The following CNBD1 variants were observed in gnomAD, a reference collection of about 807,000 sequenced individuals.
CNBD1 encodes the protein cyclic nucleotide-binding domain-containing protein 1.
Under a neutral mutation model 54.4 loss-of-function variants are expected in CNBD1, and 71 were observed. The ratio of observed to expected loss-of-function variants is 1.30; its 90% CI spans 1.08 to 1.59. CNBD1 has a LOEUF of 1.59. Ranked by LOEUF, CNBD1 falls within the 40% of genes most tolerant of loss-of-function variation. The probability of loss-of-function intolerance (pLI) is 0.00; values close to 1 mark genes in which losing one functional copy is unlikely to be tolerated. For missense variants in CNBD1, 659 were observed against 518.0 expected (o/e 1.27, Z -2.64); for synonymous variants, 182 against 170.7 (o/e 1.07, Z -0.51).
chr8:86,985,351 A>G (rs1448116365), intron 4 of CNBD1, among the ~76,000 whole-genome samples: 1 of 152,154 alleles, frequency 6.6e-6, no homozygotes, highest in Non-Finnish European at 1.5e-5. Flanking sequence ...GGTAGTGAGC[A>G]TATTACCCAC....
chr8:86,979,132 CAA>C (rs1434293216), intron 4 of CNBD1, among the ~76,000 whole-genome samples: 1 of 151,818 alleles, frequency 6.6e-6, no homozygotes, highest in African/African-American at 2.4e-5. Flanking sequence ...TCAAAATTTT[CAA>C]AAAGTTTATA....
At chr8:86,951,388 A>G (rs2130448022) in intron 4 of CNBD1, among the ~76,000 whole-genome samples, 1 of 151,790 alleles carries the variant, frequency 6.6e-6, no homozygotes, top group Admixed American at 6.6e-5. Flanking sequence ...TAGGAGCTTA[A>G]GACCAGCCTG....
chr8:87,246,696 A>G (rs902189999), intron 6 of CNBD1, among the ~76,000 whole-genome samples: 2 of 151,976 alleles, frequency 1.3e-5, no homozygotes, highest in African/African-American at 2.4e-5. Flanking sequence ...TTGCACCTCA[A>G]TTGTTAGCAC....
downstream of CNBD1, among the ~76,000 whole-genome samples, chr8:87,385,293 A>G (rs1811160138): frequency 6.6e-6 from 1 of 152,126 alleles, no homozygotes; most frequent in Non-Finnish European, 1.5e-5. Flanking sequence ...GGTGCAGCGC[A>G]CCGAGTGTGA....
At chr8:87,359,243 C>G (rs1377090875) in intron 10 of CNBD1, among the ~76,000 whole-genome samples, 1 of 146,594 alleles carries the variant, frequency 6.8e-6, no homozygotes, top group Non-Finnish European at 1.5e-5. Context: ...ATTCCATAGT[C>G]TGTTTTATTC....
intron 4 of CNBD1, among the ~76,000 whole-genome samples, chr8:87,159,083 C>G (rs1232023502): frequency 6.6e-6 from 1 of 152,072 alleles, no homozygotes; most frequent in East Asian, 1.9e-4. Flanking sequence ...ATTTAGTTTT[C>G]TTAGTAAAAT....
At chr8:86,944,037 C>G (rs76863427) in intron 4 of CNBD1, among the ~76,000 whole-genome samples, 3,660 of 152,104 alleles carry the variant, frequency 0.024, 144 homozygotes, top group African/African-American at 0.085. Context: ...TTATACCCAC[C>G]CTTGAATAAA....
At chr8:87,333,237 T>G (rs1338002919) in intron 8 of CNBD1, among the ~76,000 whole-genome samples, 1 of 152,246 alleles carries the variant, frequency 6.6e-6, no homozygotes, top group Non-Finnish European at 1.5e-5. Flanking sequence ...CCTGAGACTT[T>G]GCTGAAGTTG....
chr8:87,427,620 T>C (rs1044276255), intron 2 of CNBD1, among the ~76,000 whole-genome samples: 7 of 152,216 alleles, frequency 4.6e-5, no homozygotes, highest in African/African-American at 1.7e-4. Context: ...TTGAATTACT[T>C]GTTAATATTT....
intron 4 of CNBD1, among the ~76,000 whole-genome samples, chr8:87,031,939 TCATGTTGGC>T (rs1297503040): frequency 2.0e-5 from 3 of 151,972 alleles, no homozygotes; most frequent in Non-Finnish European, 2.9e-5. Context: ...CAGGGTTTCA[TCATGTTGGC>T]CAGGCTGGTC....
intron 2 of CNBD1, among the ~76,000 whole-genome samples, chr8:86,903,043 C>A (rs545858848): frequency 6.6e-6 from 1 of 152,048 alleles, no homozygotes; most frequent in African/African-American, 2.4e-5. Flanking sequence ...TAAATTATAG[C>A]ATTACAGGCC....
chr8:87,334,788 A>G (rs1461999490), intron 8 of CNBD1, among the ~76,000 whole-genome samples: 1 of 149,694 alleles, frequency 6.7e-6, no homozygotes, highest in Non-Finnish European at 1.5e-5. Context: ...CAGTGGCGCA[A>G]TCTCAGCTCA....
intron 6 of CNBD1, among the ~76,000 whole-genome samples, chr8:87,268,501 G>A (rs895571171): frequency 1.3e-5 from 2 of 151,942 alleles, no homozygotes; most frequent in African/African-American, 4.8e-5. Context: ...TAGTGGTTCT[G>A]TTTTAAGTTC....
chr8:86,975,777 T>C (rs1292526806), intron 4 of CNBD1, among the ~76,000 whole-genome samples: 1 of 152,028 alleles, frequency 6.6e-6, no homozygotes, highest in Admixed American at 6.6e-5. Context: ...ATAATAATTC[T>C]ATTTTTAGTT....
intron 4 of CNBD1, among the ~76,000 whole-genome samples, chr8:87,012,541 C>T (rs1046376979): frequency 2.0e-5 from 3 of 152,146 alleles, no homozygotes. Context: ...AACCCCTACC[C>T]CTTTTGTTTT....
intron 8 of CNBD1, among the ~76,000 whole-genome samples, chr8:87,306,776 G>A (rs868382136): frequency 1.3e-5 from 2 of 151,878 alleles, no homozygotes; most frequent in Admixed American, 6.6e-5. Flanking sequence ...GTGGGAGGGG[G>A]GTGAGGGATA....
chr8:86,911,500 CAT>C (rs1352187684), intron 3 of CNBD1, among the ~76,000 whole-genome samples: 2 of 152,028 alleles, frequency 1.3e-5, no homozygotes, highest in Admixed American at 6.6e-5. Context: ...TATTTTTGGA[CAT>C]GTGATATTTT....
chr8:87,001,044 C>T lies in CNBD1; in HGVS notation c.431+61290C>T, dbSNP rs1046001671. On this transcript the variant is annotated intron_variant, in intron 4 of 10. Coordinates refer to ENST00000518476, the MANE Select transcript of CNBD1 (RefSeq NM_173538.3). ...TTCCTCTTCCATTTATTGAATTCTC[C>T]CATTGTGAACAAACAATTATCATTA... Among the ~76,000 whole-genome samples, 13 of 152,080 alleles carry T rather than the reference C, an allele frequency of 8.5e-5. 1 individual carries two copies. In the South Asian group the frequency reaches 2.5e-3, roughly 29 times the overall value.
chr8:87,382,510 A>T, intron 10 of CNBD1, 110 bp from the exon 11 acceptor site: 1 of 769,270 alleles, frequency 1.3e-6, no homozygotes, highest in Non-Finnish European at 2.1e-6. Context: ...TTTAAAGCAT[A>T]ACCCCTCTGA....
Sources: gnomAD v4.1 joint callset for allele counts (sites outside exome capture counted in the v4.1 genomes callset) on GRCh38, gnomAD v4.1.1 for gene constraint, MANE v1.5 for transcripts, NCBI Gene and HGNC (gene_info 2026-07-23, HGNC 2026-07-21) for gene names.